CAMK2D: variants seen among roughly 807,000 people sequenced by gnomAD.
The protein encoded by CAMK2D is calcium/calmodulin dependent protein kinase II delta.
In CAMK2D, 37 loss-of-function variants were observed where a neutral mutation model predicts 84.0. The observed-to-expected ratio is 0.44, with a 90% confidence interval of 0.34 to 0.58. CAMK2D has a LOEUF of 0.58. CAMK2D is among the 20% of genes least tolerant of loss of function. CAMK2D has a pLI of 0.02. For missense variants in CAMK2D, 448 were observed against 652.5 expected (o/e 0.69, Z 3.41); for synonymous variants, 202 against 212.5 (o/e 0.95, Z 0.43).
chr4:113,668,341 G>C (rs971608186), intron 2 of CAMK2D, among the ~76,000 whole-genome samples: 1 of 152,160 alleles, frequency 6.6e-6, no homozygotes, highest in Non-Finnish European at 1.5e-5. Context: ...GACAAGAATT[G>C]CTATCCTGGT....
intron 2 of CAMK2D, among the ~76,000 whole-genome samples, chr4:113,735,117 A>G (rs2099577884): frequency 6.6e-6 from 1 of 151,738 alleles, no homozygotes; most frequent in African/African-American, 2.4e-5. Context: ...GAGCCCAGTT[A>G]GAATAATACA....
chr4:113,698,442 T>A (rs1383617179), intron 2 of CAMK2D, among the ~76,000 whole-genome samples: 1 of 152,128 alleles, frequency 6.6e-6, no homozygotes, highest in Non-Finnish European at 1.5e-5. Context: ...GTTTCTGTGA[T>A]AATTTAATGA....
chr4:113,516,437 C>G (rs1289937879), intron 9 of CAMK2D, among the ~76,000 whole-genome samples: 1 of 152,052 alleles, frequency 6.6e-6, no homozygotes, highest in Non-Finnish European at 1.5e-5. Context: ...CTAGGTATAC[C>G]AAGCAGTGCA....
intron 2 of CAMK2D, among the ~76,000 whole-genome samples, chr4:113,729,442 C>A (rs1489135564): frequency 6.6e-6 from 1 of 152,180 alleles, no homozygotes; most frequent in Non-Finnish European, 1.5e-5. Flanking sequence ...TTCCTTTGTT[C>A]TTCCAGCATG....
intron 4 of CAMK2D, among the ~76,000 whole-genome samples, chr4:113,597,247 T>C (rs1344765408): frequency 6.6e-6 from 1 of 152,282 alleles, no homozygotes; most frequent in African/African-American, 2.4e-5. Context: ...TCTCAAGCTA[T>C]GAAAGTCCCA....
intron 4 of CAMK2D, among the ~76,000 whole-genome samples, chr4:113,560,133 A>G (rs1170879080): frequency 6.6e-6 from 1 of 152,168 alleles, no homozygotes; most frequent in Non-Finnish European, 1.5e-5. Context: ...CTCAGGCTAC[A>G]GTCGGCTGAA....
chr4:113,604,144 G>A (rs1159517074), intron 4 of CAMK2D, among the ~76,000 whole-genome samples: 1 of 151,936 alleles, frequency 6.6e-6, no homozygotes, highest in African/African-American at 2.4e-5. Context: ...TCAAAAGGAG[G>A]AACACAAGGA....
intron 3 of CAMK2D, among the ~76,000 whole-genome samples, chr4:113,654,960 AAG>A (rs1349105413): frequency 6.6e-6 from 1 of 152,004 alleles, no homozygotes; most frequent in Non-Finnish European, 1.5e-5. Flanking sequence ...ACATCTCAGA[AAG>A]ACACTACTAA....
chr4:113,542,412 C>T (rs1239380866), intron 6 of CAMK2D, among the ~76,000 whole-genome samples: 2 of 151,896 alleles, frequency 1.3e-5, no homozygotes, highest in Non-Finnish European at 2.9e-5. Flanking sequence ...TATCTACTAC[C>T]CATGGTTAAC....
At chr4:113,471,417 T>G (rs148165998) in intron 16 of CAMK2D, among the ~76,000 whole-genome samples, 1 of 152,220 alleles carries the variant, frequency 6.6e-6, no homozygotes, top group African/African-American at 2.4e-5. Flanking sequence ...TATTTCTAAC[T>G]GCATTCTAAA....
At chr4:113,551,546 C>T (rs888789554) in intron 5 of CAMK2D, among the ~76,000 whole-genome samples, 3 of 152,132 alleles carry the variant, frequency 2.0e-5, no homozygotes, top group African/African-American at 7.2e-5. Flanking sequence ...TGTTCTATAT[C>T]TGGTCTGGCC....
intron 13 of CAMK2D, among the ~76,000 whole-genome samples, chr4:113,506,004 A>ATT (rs1293800795): frequency 3.3e-5 from 5 of 152,194 alleles, no homozygotes; most frequent in African/African-American, 1.2e-4. Flanking sequence ...ATGTAAGGTA[A>ATT]CGTTCATTTT....
intron 4 of CAMK2D, among the ~76,000 whole-genome samples, chr4:113,605,308 T>A (rs2098972354): frequency 6.6e-6 from 1 of 152,256 alleles, no homozygotes; most frequent in African/African-American, 2.4e-5. Flanking sequence ...TATAAAAGCC[T>A]GAGCCTAACT....
intron 12 of CAMK2D, among the ~76,000 whole-genome samples, chr4:113,512,752 T>C (rs531686817): frequency 6.6e-6 from 1 of 152,254 alleles, no homozygotes; most frequent in East Asian, 1.9e-4. Flanking sequence ...TTTGTATTTT[T>C]AGTAGAGACG....
At chr4:113,515,337 A>T in intron 9 of CAMK2D, 146 bp from the exon 10 acceptor site, 1 of 559,614 alleles carries the variant, frequency 1.8e-6, no homozygotes, top group Non-Finnish European at 3.1e-6. Context: ...TCTAAAATAA[A>T]TAAAACCATT....
At chr4:113,722,642 T>C (rs11731823) in intron 2 of CAMK2D, among the ~76,000 whole-genome samples, 32,430 of 152,026 alleles carry the variant, frequency 0.21, 7,047 homozygotes, top group African/African-American at 0.56. Context: ...AAATATGGTG[T>C]TATGAATAAT....
chr4:113,709,046 T>A (rs1209558700), intron 2 of CAMK2D, among the ~76,000 whole-genome samples: 1 of 152,114 alleles, frequency 6.6e-6, no homozygotes, highest in African/African-American at 2.4e-5. Flanking sequence ...GTTTGTTTGT[T>A]TTTTTAATGG....
At chr4:113,719,213 A>C (rs548186629) in intron 2 of CAMK2D, among the ~76,000 whole-genome samples, 2 of 152,288 alleles carry the variant, frequency 1.3e-5, no homozygotes, top group South Asian at 4.1e-4. Context: ...CTGTACTAGG[A>C]CCCAACGGAA....
At chr4:113,635,786 T>G (rs896783499) in intron 3 of CAMK2D, among the ~76,000 whole-genome samples, 6 of 152,218 alleles carry the variant, frequency 3.9e-5, no homozygotes, top group Admixed American at 6.5e-5. Context: ...TATGGTATAT[T>G]GATAAAATTT....
Sources: gnomAD v4.1 joint callset for allele counts (sites outside exome capture counted in the v4.1 genomes callset) on GRCh38, gnomAD v4.1.1 for gene constraint, MANE v1.5 for transcripts, NCBI Gene and HGNC (gene_info 2026-07-23, HGNC 2026-07-21) for gene names.